Variants in EIF6 observed in about 807,000 individuals in gnomAD.
The protein encoded by EIF6 is eukaryotic translation initiation factor 6.
In EIF6, 10 loss-of-function variants were observed where a neutral mutation model predicts 25.5. The ratio of observed to expected loss-of-function variants is 0.39; its 90% CI spans 0.24 to 0.66. EIF6 has a LOEUF of 0.66. Among genes scored for constraint, EIF6 ranks in the 30% least tolerant of loss-of-function variants. The pLI, the probability that EIF6 is intolerant of heterozygous loss-of-function variation, is 0.45. For missense variants in EIF6, 246 were observed against 315.4 expected (o/e 0.78, Z 1.67); for synonymous variants, 122 against 122.6 (o/e 1.00, Z 0.03).
chr20:35,282,798 C>T (rs2060788213), intron 3 of EIF6, among the ~76,000 whole-genome samples: 3 of 152,012 alleles, frequency 2.0e-5, no homozygotes, highest in South Asian at 4.1e-4. Flanking sequence ...TTAGTAGAGA[C>T]GGGGTTTCTC....
intron 3 of EIF6, among the ~76,000 whole-genome samples, chr20:35,283,483 A>T (rs1600825084): frequency 6.6e-6 from 1 of 152,318 alleles, no homozygotes; most frequent in East Asian, 1.9e-4. Flanking sequence ...CACCTTGCCC[A>T]GTCAGTGGCA....
intron 5 of EIF6, 61 bp from the exon 6 acceptor site, chr20:35,279,808 A>G (rs1600819992): frequency 6.2e-7 from 1 of 1,601,784 alleles, no homozygotes; most frequent in Non-Finnish European, 8.5e-7. Context: ...CTCAATGAAG[A>G]CTCTCCCCAA....
At position 35,284,381 on chromosome 20, in the gene EIF6, C is replaced by T; in HGVS notation, c.107G>A (p.Ser36Asn). The T allele has an allele frequency of 6.2e-7, 1 of 1,614,030 alleles. No homozygotes were observed. The highest frequency in any genetic ancestry group is 8.5e-7 in the Non-Finnish European group (1 of 1,179,990). Reference protein sequence around the residue: ...VAIGGSENFYSVFEGELSDTI... With the variant: ...VAIGGSENFYNVFEGELSDTI... ...GTAAGCCCCGGGGCTCCCGCCGCAC[C>T]TGTAGAAGTTCTCTGAGCCTCCGAT... Residue 36 changes from serine (S) to asparagine (N), a missense_variant and splice_region_variant, in exon 2 of 7, where the codon AGT (serine) becomes AAT (asparagine). Transcript: ENST00000374450.
chr20:35,279,134 G>C lies in EIF6; in HGVS notation c.*63C>G. 1 of 1,609,618 alleles carries C rather than the reference G, an allele frequency of 6.2e-7. No individual in the cohort carries two copies. The highest frequency in any genetic ancestry group is 8.5e-7 in the Non-Finnish European group (1 of 1,176,308). On this transcript the variant is annotated 3_prime_UTR_variant, in exon 7 of 7. Coordinates refer to ENST00000374450, the MANE Select transcript of EIF6 (RefSeq NM_002212.4). ...GCCAGCATCCGGTACAGATTGGGCG[G>C]AATGTGGAGAAGGTTGGCCACAGTC...
chr20:35,284,033 C>A (rs539733508), intron 3 of EIF6, 143 bp downstream of exon 3: 1 of 1,088,086 alleles, frequency 9.2e-7, no homozygotes, highest in East Asian at 2.5e-5. Context: ...GATCTCCTGA[C>A]GCTTGGCCTG....
Position 35,279,295 on chromosome 20 carries a change from G to A in EIF6, c.729-89C>T, listed in dbSNP as rs1026514898. The A allele has an allele frequency of 3.1e-5, 48 of 1,546,760 alleles. No homozygotes were observed. In the South Asian group the frequency reaches 3.4e-4, roughly 11 times the overall value. ...AGGTGCCTGCCTCAGCCCTCATCCC[G>A]GGACCAGCTCTGACAAGCTGCTCAA... On this transcript the variant is annotated intron_variant, in intron 6 of 6. Coordinates refer to ENST00000374450, the MANE Select transcript of EIF6 (RefSeq NM_002212.4).
At position 35,284,449 on chromosome 20, in the gene EIF6, G is replaced by T; in HGVS notation, c.39C>A (p.Ile13=). Residue 13 remains isoleucine (I), a synonymous_variant, in exon 2 of 7, where the codon ATC becomes ATA. Transcript: ENST00000374450. ...TGTTGGTGAGCTTGGCAAAGCAGCC[G>T]ATCTCACAGTTGTTCTCGAACGAAG... ...VRASFENNCE[I]GCFAKLTNTY... 1.9e-6 allele frequency: 3 copies of T among 1,613,312 alleles called. No homozygotes were observed. Among genetic ancestry groups the T allele is most frequent in the Non-Finnish European group, 2.5e-6 (3 of 1,179,378 alleles).
intron 3 of EIF6, among the ~76,000 whole-genome samples, chr20:35,282,527 T>TA (rs2060784437): frequency 6.6e-6 from 1 of 152,204 alleles, no homozygotes; most frequent in Non-Finnish European, 1.5e-5. Context: ...AGGGCATGGT[T>TA]AGAGATCAGA....
intron 3 of EIF6, among the ~76,000 whole-genome samples, chr20:35,281,415 A>C (rs1024717466): frequency 6.6e-6 from 1 of 151,454 alleles, no homozygotes; most frequent in Non-Finnish European, 1.5e-5. Context: ...AACAAAAAAA[A>C]CTGAGCTAAC....
rs565396238 is a variant in EIF6 at position 35,281,279 on chromosome 20, G to A, written c.194-450C>T. Among the ~76,000 whole-genome samples, 33 of 151,774 alleles carry A rather than the reference G, an allele frequency of 2.2e-4. No individual in the cohort carries two copies. In the East Asian group the frequency reaches 5.3e-3, roughly 24 times the overall value. ...CGGGCGCCTGTAGTCCCAGCTACTC[G>A]GGAGGCTGAGGCAGGAGAATGGCGT... is the stretch of plus-strand genomic sequence containing the variant. On this transcript the variant is annotated intron_variant, in intron 3 of 6. Coordinates refer to ENST00000374450, the MANE Select transcript of EIF6 (RefSeq NM_002212.4).
intron 2 of EIF6, 46 bp downstream of exon 2, chr20:35,284,335 T>A (rs780468891): frequency 5.0e-6 from 8 of 1,613,822 alleles, no homozygotes; most frequent in Non-Finnish European, 6.8e-6. Flanking sequence ...TCTTGACTCC[T>A]GCGCACGCCT....
At chr20:35,284,330 A>G in intron 2 of EIF6, 51 bp downstream of exon 2, 1 of 1,610,156 alleles carries the variant, frequency 6.2e-7, no homozygotes. Flanking sequence ...GGAGCTCTTG[A>G]CTCCTGCGCA....
At position 35,279,558 on chromosome 20, in the gene EIF6, C is replaced by G; in HGVS notation, c.728+8G>C. The G allele has an allele frequency of 6.2e-7, 1 of 1,613,528 alleles. No homozygotes were observed. The highest frequency in any genetic ancestry group is 1.1e-5 in the South Asian group (1 of 91,058). The stretch of plus-strand genomic sequence containing the variant: ...CCCTGAGCAGAAGAAAGGAGAGGCC[C>G]CAGGTACCTGTCAATGAGGGAATCC... On this transcript the variant is annotated splice_region_variant and intron_variant, in intron 6 of 6. Coordinates refer to ENST00000374450, the MANE Select transcript of EIF6 (RefSeq NM_002212.4).
rs1016736618 is a variant in EIF6, at chr20:35,279,052, T to TG, written c.*144dup. On this transcript the variant is annotated 3_prime_UTR_variant, in exon 7 of 7. Transcript: ENST00000374450. ...GATAGATCCAGGCGATAAGCACAGG[T>TG]GGAAAAGGGTTGGGTGCCCAGCCCC... The TG allele has an allele frequency of 3.0e-4, 300 of 998,784 alleles. 1 individual carries two copies. The highest frequency in any genetic ancestry group is 1.2e-4 in the Non-Finnish European group (77 of 645,180). The allele number at this position is 998,784 out of a possible 1,614,324, so 61.9% of individuals were successfully genotyped here. A position where few individuals can be genotyped will look rare whatever the true frequency, so the allele number is the denominator to read the frequency against.
intron 3 of EIF6, 57 bp downstream of exon 3, chr20:35,284,119 T>C (rs1600826206): frequency 6.6e-7 from 1 of 1,524,566 alleles, no homozygotes; most frequent in East Asian, 2.3e-5. Context: ...CCTCCGGGGG[T>C]GTAATTAATG....
intron 4 of EIF6, 57 bp downstream of exon 4, chr20:35,280,597 G>T: frequency 1.9e-6 from 3 of 1,585,326 alleles, no homozygotes; most frequent in South Asian, 2.3e-5. Flanking sequence ...AAAGAACAGT[G>T]GCTAACCACT....
chr20:35,282,456 A>C (rs1334449401), intron 3 of EIF6, among the ~76,000 whole-genome samples: 1 of 152,244 alleles, frequency 6.6e-6, no homozygotes, highest in African/African-American at 2.4e-5. Context: ...CACTCCCATC[A>C]TAAAATACAC....
chr20:35,281,176 C>A (rs1043191271), intron 3 of EIF6, among the ~76,000 whole-genome samples: 1 of 151,980 alleles, frequency 6.6e-6, no homozygotes, highest in African/African-American at 2.4e-5. Context: ...GTCAGGAGAT[C>A]GAGATCGAGA....
intron 1 of EIF6, 61 bp from the exon 2 acceptor site, chr20:35,284,553 C>G (rs2060809017): frequency 2.0e-6 from 3 of 1,537,882 alleles, no homozygotes; most frequent in Admixed American, 3.7e-5. Flanking sequence ...ATCCCGGCCT[C>G]CGTCCCTCAG....
Sources: gnomAD v4.1 joint callset for allele counts (sites outside exome capture counted in the v4.1 genomes callset) on GRCh38, gnomAD v4.1.1 for gene constraint, MANE v1.5 for transcripts, NCBI Gene and HGNC (gene_info 2026-07-23, HGNC 2026-07-21) for gene names.